The following AARS1 variants were observed in gnomAD, a reference collection of about 807,000 sequenced individuals.
The protein encoded by AARS1 is alanine--tRNA ligase, cytoplasmic.
A neutral mutation model predicts 108.9 loss-of-function variants in AARS1; 72 were observed. The observed-to-expected ratio is 0.66, with a 90% CI of 0.55 to 0.80. The LOEUF (loss-of-function observed/expected upper bound fraction) is 0.80, where lower values mean the gene tolerates loss of function less well. Ranked by LOEUF, AARS1 falls within the 30% of genes least tolerant of loss-of-function variation. The probability of loss-of-function intolerance (pLI) is 0.00; values close to 1 mark genes in which losing one functional copy is unlikely to be tolerated. For missense variants in AARS1, 1,193 were observed against 1,233.2 expected (o/e 0.97, Z 0.49); for synonymous variants, 489 against 465.7 (o/e 1.05, Z -0.64).
At chr16:70,277,730 T>C (rs1036403818) in intron 2 of AARS1, among the ~76,000 whole-genome samples, 4 of 151,902 alleles carry the variant, frequency 2.6e-5, no homozygotes, top group African/African-American at 9.7e-5. Context: ...TTCAATTCAC[T>C]GCTATCCAAT....
Position 70,258,084 on chromosome 16 carries a change from T to A in AARS1, c.2126A>T (p.Asp709Val). Reference protein sequence around the residue: ...IGVPVSELLDDPSGPAGSLTS... With the variant: ...IGVPVSELLDVPSGPAGSLTS... Reference sequence around the variant, plus strand: ...CAGGGAGCCAGCAGGCCCAGAGGGGTCATCCAGCAACTCGGACACCGGGAC... The same window carrying A: ...CAGGGAGCCAGCAGGCCCAGAGGGGACATCCAGCAACTCGGACACCGGGAC... The change falls in exon 15 of 21, where the codon GAC (aspartate) becomes GTC (valine). Residue 709 changes from aspartate to valine, a missense_variant. Transcript: ENST00000261772. The A allele has an allele frequency of 6.2e-7, 1 of 1,613,618 alleles. No individual in the cohort carries two copies. The highest frequency in any genetic ancestry group is 1.1e-5 in the South Asian group (1 of 91,036).
intron 11 of AARS1, 64 bp from the exon 12 acceptor site, chr16:70,262,588 C>T: frequency 6.7e-7 from 1 of 1,487,868 alleles, no homozygotes; most frequent in Non-Finnish European, 9.1e-7. Context: ...TCCTTCTTGG[C>T]TGACTTTTGC....
At chr16:70,261,325 G>A (rs1336655513) in intron 12 of AARS1, 168 bp from the exon 13 acceptor site, 2 of 526,110 alleles carry the variant, frequency 3.8e-6, no homozygotes, top group African/African-American at 1.9e-5. Context: ...GCCAGGTGCA[G>A]TGGCTCATGA....
At chr16:70,273,986 C>G (rs1359591091) in intron 4 of AARS1, among the ~76,000 whole-genome samples, 2 of 150,728 alleles carry the variant, frequency 1.3e-5, no homozygotes, top group African/African-American at 2.4e-5. Context: ...GATTATGCCA[C>G]TGCACTCCAG....
intron 10 of AARS1, 99 bp downstream of exon 10, chr16:70,265,439 T>G (rs1960239222): frequency 6.3e-7 from 1 of 1,579,874 alleles, no homozygotes; most frequent in Non-Finnish European, 8.7e-7. Flanking sequence ...AAAAAGCACT[T>G]CAAAGACTTT....
chr16:70,285,445 A>T (rs1229674966), intron 1 of AARS1, among the ~76,000 whole-genome samples: 2 of 151,762 alleles, frequency 1.3e-5, no homozygotes, highest in Non-Finnish European at 2.9e-5. Flanking sequence ...ATGCCCAGTT[A>T]ATTTCTTTTT....
At chr16:70,265,770 T>A in intron 9 of AARS1, 108 bp from the exon 10 acceptor site, 1 of 1,424,898 alleles carries the variant, frequency 7.0e-7, no homozygotes, top group Non-Finnish European at 9.7e-7. Context: ...GACACAAGGC[T>A]ATCAGTATCG....
At chr16:70,266,292 C>T (rs1438558254) in intron 9 of AARS1, among the ~76,000 whole-genome samples, 3 of 150,042 alleles carry the variant, frequency 2.0e-5, no homozygotes, top group African/African-American at 7.4e-5. Flanking sequence ...CCAGCCTGGG[C>T]GACAGAGCAA....
intron 4 of AARS1, among the ~76,000 whole-genome samples, chr16:70,274,174 A>T (rs966561499): frequency 8.1e-5 from 12 of 148,402 alleles, no homozygotes; most frequent in Non-Finnish European, 1.0e-4. Context: ...GTCTCTACTA[A>T]GAAAAAAAAA....
In AARS1 at chr16:70,253,504, C is replaced by T. The variant is rs1325470634; in HGVS notation, c.2608-123G>A. On this transcript the variant is annotated intron_variant, in intron 19 of 20. Coordinates refer to ENST00000261772, the MANE Select transcript of AARS1 (RefSeq NM_001605.3). Reference sequence around the variant, plus strand: ...CCCTTCCCAGAGCAGGGGCTGTGCCCAGGGCCTGTGGGGAGGACCCCAGCG... The same window carrying T: ...CCCTTCCCAGAGCAGGGGCTGTGCCTAGGGCCTGTGGGGAGGACCCCAGCG... 1.2e-5 allele frequency: 13 copies of T among 1,070,858 alleles called. 1 individual carries two copies. The highest frequency in any genetic ancestry group is 1.8e-5 in the Non-Finnish European group (13 of 714,792). The allele number at this position is 1,070,858 out of a possible 1,614,324, so 66.3% of individuals were successfully genotyped here.
chr16:70,275,203 T>C (rs967616589), intron 4 of AARS1, among the ~76,000 whole-genome samples: 2 of 152,058 alleles, frequency 1.3e-5, no homozygotes, highest in African/African-American at 2.4e-5. Flanking sequence ...GAGGTTACAG[T>C]GAGCCAAGAT....
chr16:70,279,348 C>G (rs1261177939), intron 2 of AARS1, among the ~76,000 whole-genome samples: 2 of 62,426 alleles, frequency 3.2e-5, no homozygotes, highest in Non-Finnish European at 5.6e-5. Flanking sequence ...AAAACTTCAT[C>G]TCAAAAAAAA....
intron 14 of AARS1, 95 bp from the exon 15 acceptor site, chr16:70,258,312 G>A: frequency 1.4e-6 from 2 of 1,412,156 alleles, no homozygotes; most frequent in Non-Finnish European, 1.9e-6. Context: ...CAGGACTCGG[G>A]TTCCAACCTG....
rs770856423 is a variant in AARS1 at position 70,262,367 on chromosome 16, C to T, written c.1650G>A (p.Lys550=). The part of the protein sequence containing the change: ...GQIYDEGYLV[K]VDDSSEDKTE... ...TCACATCTTCACTGCTGTCATCCAC[C>T]TTCACCAGGTAGCCTTCGTCATAGA... The change falls in exon 12 of 21, where the codon AAG becomes AAA. Residue 550 remains lysine (K), a synonymous_variant. Transcript: ENST00000261772. 51 of 1,614,212 alleles carry T rather than the reference C, an allele frequency of 3.2e-5. No individual in the cohort carries two copies. The highest frequency in any genetic ancestry group is 4.2e-5 in the Non-Finnish European group (50 of 1,180,034).
intron 1 of AARS1, 147 bp downstream of exon 1, chr16:70,289,274 T>C (rs1960969070): frequency 6.4e-6 from 2 of 312,504 alleles, no homozygotes; most frequent in South Asian, 2.5e-5. Context: ...AAGGCCACAC[T>C]GTCCAGCTCC....
At chr16:70,276,353 C>T in intron 4 of AARS1, 133 bp downstream of exon 4, 1 of 1,024,714 alleles carries the variant, frequency 9.8e-7, no homozygotes. Flanking sequence ...TCTAGCCTCA[C>T]TCCTCCCCAT....
chr16:70,264,916 C>T (rs372755314), intron 11 of AARS1, 42 bp downstream of exon 11: 117 of 1,612,472 alleles, frequency 7.3e-5, no homozygotes, highest in Non-Finnish European at 9.2e-5. Flanking sequence ...CCCCCAGATA[C>T]GGGGCAGAAT....
At chr16:70,278,211 T>C (rs1390290212) in intron 2 of AARS1, among the ~76,000 whole-genome samples, 1 of 152,072 alleles carries the variant, frequency 6.6e-6, no homozygotes, top group Non-Finnish European at 1.5e-5. Flanking sequence ...AGACCCCTTC[T>C]CTATTTTTAT....
chr16:70,262,161 G>A (rs1960147487), intron 12 of AARS1, among the ~76,000 whole-genome samples, 185 bp downstream of exon 12: 2 of 152,068 alleles, frequency 1.3e-5, no homozygotes, highest in South Asian at 4.1e-4. Flanking sequence ...CTCCTACGAG[G>A]GTACCCGATG....
Sources: gnomAD v4.1 joint callset for allele counts (sites outside exome capture counted in the v4.1 genomes callset) on GRCh38, gnomAD v4.1.1 for gene constraint, MANE v1.5 for transcripts, NCBI Gene and HGNC (gene_info 2026-07-23, HGNC 2026-07-21) for gene names.